The following HS6ST3 variants were observed in gnomAD, a reference collection of about 807,000 sequenced individuals.
The protein encoded by HS6ST3 is heparan sulfate 6-O-sulfotransferase 3, also known as heparan-sulfate 6-O-sulfotransferase 3.
A neutral mutation model predicts 36.7 loss-of-function variants in HS6ST3; 12 were observed. That is an observed-to-expected ratio of 0.33 (90% CI 0.21 to 0.53). The LOEUF is 0.53. Ranked by LOEUF, HS6ST3 falls within the 20% of genes least tolerant of loss-of-function variation. HS6ST3 has a pLI of 0.95. For synonymous variants in HS6ST3, 240 were observed against 257.5 expected (o/e 0.93, Z 0.65); for missense variants, 584 against 640.9 (o/e 0.91, Z 0.96).
intron 1 of HS6ST3, among the ~76,000 whole-genome samples, chr13:96,478,636 A>G (rs1445526581): frequency 6.6e-6 from 1 of 152,070 alleles, no homozygotes; most frequent in Non-Finnish European, 1.5e-5. Flanking sequence ...TAACAAGAAT[A>G]CTATTAGACC....
chr13:96,240,942 A>G (rs1170303650), intron 1 of HS6ST3, among the ~76,000 whole-genome samples: 1 of 152,224 alleles, frequency 6.6e-6, no homozygotes, highest in Non-Finnish European at 1.5e-5. Flanking sequence ...CAATAGGTTA[A>G]GTAGATAGTT....
intron 1 of HS6ST3, among the ~76,000 whole-genome samples, chr13:96,305,663 T>A (rs1446697951): frequency 6.6e-6 from 1 of 152,168 alleles, no homozygotes; most frequent in African/African-American, 2.4e-5. Context: ...TAGTTTAACA[T>A]CCTCAGTAGT....
At position 96,837,732 on chromosome 13, in the gene HS6ST3, C is replaced by G. The variant is rs1042831751; in HGVS notation, c.*4534C>G. 6.6e-6 allele frequency: 1 copy of G among 151,984 alleles called. No individual in the cohort carries two copies. The highest frequency in any genetic ancestry group is 6.6e-5 in the Admixed American group (1 of 15,234). The allele number at this position is 151,984 out of a possible 1,614,324, so 9.4% of individuals were successfully genotyped here. A position where few individuals can be genotyped will look rare whatever the true frequency, so the allele number is the denominator to read the frequency against. ...ACTCAGAGGAGGCATTCAAACACTT[C>G]TAGCAGGTTGTCTACTCCATCCAAC... is the stretch of plus-strand genomic sequence containing the variant. On this transcript the variant is annotated 3_prime_UTR_variant, in exon 2 of 2. Coordinates refer to ENST00000376705, the MANE Select transcript of HS6ST3 (RefSeq NM_153456.4).
intron 1 of HS6ST3, among the ~76,000 whole-genome samples, chr13:96,324,091 C>A (rs7320184): frequency 0.46 from 70,075 of 151,976 alleles, 16,409 homozygotes; most frequent in Middle Eastern, 0.55. Context: ...TGGCCATGAA[C>A]ATTTGCAGTA....
intron 1 of HS6ST3, among the ~76,000 whole-genome samples, chr13:96,567,561 T>C (rs1482044462): frequency 2.0e-5 from 3 of 151,946 alleles, no homozygotes; most frequent in Non-Finnish European, 1.5e-5. Context: ...ATCAGAAAAG[T>C]TTTTACACAC....
At chr13:96,329,768 T>A (rs1365110279) in intron 1 of HS6ST3, among the ~76,000 whole-genome samples, 54 of 119,814 alleles carry the variant, frequency 4.5e-4, no homozygotes, top group Non-Finnish European at 7.0e-4. Context: ...ATCTGTCTAA[T>A]GTTGACAGTG....
intron 1 of HS6ST3, among the ~76,000 whole-genome samples, chr13:96,242,756 G>A (rs7997409): frequency 0.56 from 85,716 of 152,002 alleles, 24,433 homozygotes; most frequent in Admixed American, 0.67. Context: ...ACAATGGAAA[G>A]CAGTATAGTG....
chr13:96,462,447 C>T (rs1261934470), intron 1 of HS6ST3, among the ~76,000 whole-genome samples: 2 of 152,040 alleles, frequency 1.3e-5, no homozygotes, highest in Admixed American at 6.6e-5. Flanking sequence ...TAATTTGTGG[C>T]GAACTAGGTG....
chr13:96,676,471 C>G (rs898062054), intron 1 of HS6ST3, among the ~76,000 whole-genome samples: 1 of 152,128 alleles, frequency 6.6e-6, no homozygotes, highest in Non-Finnish European at 1.5e-5. Context: ...ACCTCCATTA[C>G]AGGTCCAGTA....
At chr13:96,512,554 T>G (rs913581469) in intron 1 of HS6ST3, among the ~76,000 whole-genome samples, 3 of 152,168 alleles carry the variant, frequency 2.0e-5, no homozygotes, top group East Asian at 1.9e-4. Context: ...GGGTGTTTTT[T>G]TTGTTGTTGT....
intron 1 of HS6ST3, among the ~76,000 whole-genome samples, chr13:96,737,940 C>G (rs767681361): frequency 5.1e-4 from 77 of 152,086 alleles, no homozygotes; most frequent in Non-Finnish European, 2.8e-4. Context: ...TCTTGCCTCC[C>G]TTCTTCATGT....
intron 1 of HS6ST3, among the ~76,000 whole-genome samples, chr13:96,778,312 A>C (rs895391887): frequency 6.6e-6 from 1 of 152,254 alleles, no homozygotes; most frequent in African/African-American, 2.4e-5. Flanking sequence ...ACAAAAGCCA[A>C]AATTGACAAA....
intron 1 of HS6ST3, among the ~76,000 whole-genome samples, chr13:96,367,139 G>T (rs1389544492): frequency 6.6e-6 from 1 of 152,238 alleles, no homozygotes; most frequent in East Asian, 1.9e-4. Context: ...GAATAATTAT[G>T]ATTTGCATTT....
intron 1 of HS6ST3, among the ~76,000 whole-genome samples, chr13:96,346,346 G>A (rs933360593): frequency 2.6e-5 from 4 of 152,066 alleles, no homozygotes; most frequent in African/African-American, 7.2e-5. Flanking sequence ...AGGCCAAGGT[G>A]GGCGGATCAT....
At chr13:96,194,950 T>C (rs2054305230) in intron 1 of HS6ST3, among the ~76,000 whole-genome samples, 1 of 152,222 alleles carries the variant, frequency 6.6e-6, no homozygotes, top group South Asian at 2.1e-4. Context: ...TTAATTAACA[T>C]TTTGTTATTG....
intron 1 of HS6ST3, among the ~76,000 whole-genome samples, chr13:96,705,375 T>C (rs368278185): frequency 4.6e-5 from 7 of 152,168 alleles, no homozygotes; most frequent in African/African-American, 1.7e-4. Flanking sequence ...AAGAGTCAGG[T>C]TAACTCTTCT....
intron 1 of HS6ST3, among the ~76,000 whole-genome samples, chr13:96,635,826 G>C (rs1010283819): frequency 1.2e-4 from 18 of 152,082 alleles, no homozygotes; most frequent in African/African-American, 4.1e-4. Context: ...GCCCACACTG[G>C]ATGTGGGAGA....
intron 1 of HS6ST3, among the ~76,000 whole-genome samples, chr13:96,537,607 A>C (rs756577888): frequency 6.6e-5 from 10 of 152,220 alleles, no homozygotes; most frequent in Non-Finnish European, 1.5e-4. Context: ...CTCTAAGGAT[A>C]GGGGACATGT....
At chr13:96,387,071 G>A (rs889645943) in intron 1 of HS6ST3, among the ~76,000 whole-genome samples, 1 of 152,124 alleles carries the variant, frequency 6.6e-6, no homozygotes, top group Admixed American at 6.6e-5. Flanking sequence ...TGGGACCACA[G>A]GCATGTGCCA....
Sources: allele counts gnomAD v4.1 joint callset (sites outside exome capture counted in the v4.1 genomes callset), GRCh38; gene constraint gnomAD v4.1.1; transcripts MANE v1.5; gene names NCBI Gene and HGNC (gene_info 2026-07-23, HGNC 2026-07-21).